The following MTARC1 variants were observed in gnomAD, a reference collection of about 807,000 sequenced individuals.
MTARC1 encodes the protein mitochondrial amidoxime reducing component 1, also known as mitochondrial amidoxime-reducing component 1.
In MTARC1, 24 loss-of-function variants were observed where a neutral mutation model predicts 33.6. The observed-to-expected ratio is 0.72, with a 90% CI of 0.52 to 1.01. The LOEUF (loss-of-function observed/expected upper bound fraction) is 1.01, where lower values mean the gene tolerates loss of function less well. Ranked by LOEUF, MTARC1 falls within the 50% of genes least tolerant of loss-of-function variation. The pLI, the probability that MTARC1 is intolerant of heterozygous loss-of-function variation, is 0.00. For missense variants in MTARC1, 417 were observed against 445.7 expected (o/e 0.94, Z 0.58); for synonymous variants, 187 against 189.5 (o/e 0.99, Z 0.11).
rs372147322 is a variant in MTARC1 at position 220,802,332 on chromosome 1, ATTC to A, written c.754-2717_754-2715del. On this transcript the variant is annotated intron_variant, in intron 4 of 6. Transcript: ENST00000366910. ...ACCCTCACCCCACCTCCCTAAACTCATTCTTTCTTTCTTTTTTGAAACAGAGTC... is the reference window on the plus strand; with the variant it reads ...ACCCTCACCCCACCTCCCTAAACTCATTTCTTTCTTTTTTGAAACAGAGTC... Among the ~76,000 whole-genome samples the A allele has an allele frequency of 3.0e-4, 46 of 150,976 alleles. No individual in the cohort carries two copies. The East Asian group carries it at 4.4e-3, about 14-fold the overall frequency.
At chr1:220,805,575 CAAAAAAT>C (rs1004317826) in intron 6 of MTARC1, among the ~76,000 whole-genome samples, 2 of 151,906 alleles carry the variant, frequency 1.3e-5, no homozygotes, top group Non-Finnish European at 2.9e-5. Flanking sequence ...TAGATGATAC[CAAAAAAT>C]GTACTAGGTG....
rs1672712154 is a variant in MTARC1, at chr1:220,799,205, A to G, written c.753+1191A>G. 7 of 977,210 alleles carry G rather than the reference A, an allele frequency of 7.2e-6. No individual in the cohort carries two copies. In the South Asian group the frequency reaches 2.8e-4, roughly 40 times the overall value. The allele number at this position is 977,210 out of a possible 1,614,324, so 60.5% of individuals were successfully genotyped here. A position where few individuals can be genotyped will look rare whatever the true frequency, so the allele number is the denominator to read the frequency against. On this transcript the variant is annotated intron_variant, in intron 4 of 6. Coordinates refer to ENST00000366910, the MANE Select transcript of MTARC1 (RefSeq NM_022746.4). ...CCCAAATCCACTGCTAATGCTTCAT[A>G]TAAAATACTCATTGCTCCAAACTTC...
chr1:220,811,972 T>G (rs917808749), intron 6 of MTARC1, among the ~76,000 whole-genome samples: 2 of 152,186 alleles, frequency 1.3e-5, no homozygotes, highest in Non-Finnish European at 2.9e-5. Context: ...CAGACAAACT[T>G]GTGCCCTGAC....
At chr1:220,802,973 A>G (rs1672861249) in intron 4 of MTARC1, among the ~76,000 whole-genome samples, 1 of 152,130 alleles carries the variant, frequency 6.6e-6, no homozygotes, top group Non-Finnish European at 1.5e-5. Flanking sequence ...CAAAGGTCCA[A>G]ACTTCCCACT....
intron 1 of MTARC1, among the ~76,000 whole-genome samples, chr1:220,790,691 CATG>C (rs1672394134): frequency 6.6e-6 from 1 of 152,180 alleles, no homozygotes; most frequent in African/African-American, 2.4e-5. Context: ...CTCAAAAGCA[CATG>C]CTCACTTCTA....
At chr1:220,793,205 G>C (rs939018401) in intron 2 of MTARC1, 11 of 152,106 alleles carry the variant, frequency 7.2e-5, no homozygotes, top group African/African-American at 2.7e-4. Flanking sequence ...CCCTGAATGA[G>C]GTAAGCTTTT....
At chr1:220,805,166 C>T in intron 5 of MTARC1, 37 bp from the exon 6 acceptor site, 1 of 1,613,886 alleles carries the variant, frequency 6.2e-7, no homozygotes, top group Non-Finnish European at 8.5e-7. Flanking sequence ...GTTCGCTCTG[C>T]TCTGTCCCCC....
Position 220,786,969 on chromosome 1 carries a change from C to T in MTARC1, c.25C>T (p.Leu9=). 8.0e-7 allele frequency: 1 copy of T among 1,251,932 alleles called. No homozygotes were observed. The highest frequency in any genetic ancestry group is 1.0e-6 in the Non-Finnish European group (1 of 1,001,508). 77.6% of individuals were successfully genotyped at this position (1,251,932 alleles called of 1,614,324 possible). Residue 9 remains leucine (L), a synonymous_variant, in exon 1 of 7, where the codon CTG becomes TTG. Coordinates refer to ENST00000366910, the MANE Select transcript of MTARC1 (RefSeq NM_022746.4). The part of the protein sequence containing the change: MGAAGSSA[L]ARFVLLAQSR... ...CATGGGCGCCGCCGGCTCCTCCGCG[C>T]TGGCGCGCTTTGTCCTCCTCGCGCA...
Position 220,787,166 on chromosome 1 carries a change from G to A in MTARC1, c.222G>A (p.Val74=). 1 of 1,579,408 alleles carries A rather than the reference G, an allele frequency of 6.3e-7. No individual in the cohort carries two copies. Residue 74 remains valine (V), a synonymous_variant, in exon 1 of 7, where the codon GTG becomes GTA. Coordinates refer to ENST00000366910, the MANE Select transcript of MTARC1 (RefSeq NM_022746.4). ...TGAAATCCTGCAAGGGGGTGCCGGT[G>A]AGCGAGGCGGAGTGCACGGCCATGG... ...YPVKSCKGVP[V]SEAECTAMGL... is the part of the protein sequence containing the mutation.
intron 3 of MTARC1, among the ~76,000 whole-genome samples, chr1:220,797,427 A>G (rs1387022924): frequency 6.6e-6 from 1 of 152,234 alleles, no homozygotes; most frequent in African/African-American, 2.4e-5. Flanking sequence ...CTGTCTCAAA[A>G]TATATAAATA....
At chr1:220,794,456 T>C (rs1672539374) in intron 2 of MTARC1, 1 of 151,920 alleles carries the variant, frequency 6.6e-6, no homozygotes, top group Admixed American at 6.6e-5. Flanking sequence ...TATATTCAGT[T>C]CTAGAACTGG....
intron 4 of MTARC1, among the ~76,000 whole-genome samples, chr1:220,801,351 C>T (rs180707669): frequency 6.6e-6 from 1 of 152,168 alleles, no homozygotes; most frequent in Non-Finnish European, 1.5e-5. Flanking sequence ...CCCAGCCCCC[C>T]CCACAGCACA....
intron 1 of MTARC1, 111 bp from the exon 2 acceptor site, chr1:220,791,380 A>C: frequency 8.4e-7 from 1 of 1,196,786 alleles, no homozygotes; most frequent in Admixed American, 2.2e-5. Flanking sequence ...CACACACACC[A>C]GGCTTATGGG....
At chr1:220,790,393 G>C (rs1487927062) in intron 1 of MTARC1, among the ~76,000 whole-genome samples, 1 of 152,182 alleles carries the variant, frequency 6.6e-6, no homozygotes, top group Non-Finnish European at 1.5e-5. Context: ...TTTTGAATGA[G>C]GGGGTCATAA....
chr1:220,808,912 C>T (rs1282568226), intron 6 of MTARC1: 2 of 470,830 alleles, frequency 4.2e-6, no homozygotes, highest in African/African-American at 2.0e-5. Context: ...TGGAGTCTGC[C>T]GTTGTTGCTT....
chr1:220,813,398 G>A lies in MTARC1; in HGVS notation c.994G>A (p.Val332Met). The change falls in exon 7 of 7, where the codon GTG becomes ATG. Residue 332 changes from valine (V) to methionine (M), a missense_variant. Val to Met is a conservative substitution (Grantham distance 21). Transcript: ENST00000366910. ...NPGTIKVGDP[V>M]YLLGQ ...AGGGACCATCAAAGTGGGAGACCCTGTGTACCTGCTGGGCCAGTAATGGGA... is the reference window on the plus strand; with the variant it reads ...AGGGACCATCAAAGTGGGAGACCCTATGTACCTGCTGGGCCAGTAATGGGA... 1 of 1,614,182 alleles carries A rather than the reference G, an allele frequency of 6.2e-7. No homozygotes were observed. Among genetic ancestry groups the A allele is most frequent in the Non-Finnish European group, 8.5e-7 (1 of 1,180,032 alleles).
At chr1:220,798,143 G>C in intron 4 of MTARC1, 129 bp downstream of exon 4, 1 of 1,606,074 alleles carries the variant, frequency 6.2e-7, no homozygotes, top group Non-Finnish European at 8.5e-7. Context: ...ATAACAATTT[G>C]ATTTTTAGAT....
At chr1:220,797,195 C>G (rs759990890) in intron 3 of MTARC1, among the ~76,000 whole-genome samples, 14 of 152,118 alleles carry the variant, frequency 9.2e-5, no homozygotes, top group Non-Finnish European at 1.9e-4. Flanking sequence ...TACACAGACT[C>G]AAATGATCAG....
In MTARC1 at chr1:220,796,812, G is replaced by A. The variant is rs372547323; in HGVS notation, c.612+7G>A. On this transcript the variant is annotated splice_region_variant and intron_variant, in intron 3 of 6. Transcript: ENST00000366910. Reference sequence around the variant, plus strand: ...GTTCCGACCCAAGGACCAGGTGAGAGGTTCTGCTGCCTCCATGGGTAGAAA... The same window carrying A: ...GTTCCGACCCAAGGACCAGGTGAGAAGTTCTGCTGCCTCCATGGGTAGAAA... 1.1e-5 allele frequency: 18 copies of A among 1,598,222 alleles called. No homozygotes were observed. The African/African-American group carries it at 2.0e-4, about 18-fold the overall frequency.
Sources: allele counts gnomAD v4.1 joint callset (sites outside exome capture counted in the v4.1 genomes callset), GRCh38; gene constraint gnomAD v4.1.1; transcripts MANE v1.5; gene names NCBI Gene and HGNC (gene_info 2026-07-23, HGNC 2026-07-21).